USP50: variants seen among roughly 807,000 people sequenced by gnomAD.
USP50 encodes the protein ubiquitin specific peptidase 50.
A neutral mutation model predicts 39.2 loss-of-function variants in USP50; 37 were observed. The ratio of observed to expected loss-of-function variants is 0.94; its 90% CI spans 0.73 to 1.24. The LOEUF (loss-of-function observed/expected upper bound fraction) is 1.24, where lower values mean the gene tolerates loss of function less well. Among genes scored for constraint, USP50 ranks in the 50% most tolerant of loss-of-function variants. USP50 has a pLI of 0.00. For synonymous variants in USP50, 139 were observed against 144.5 expected (o/e 0.96, Z 0.27); for missense variants, 374 against 398.2 (o/e 0.94, Z 0.52).
chr15:50,498,941 C>T (rs762066149), downstream of USP50: 3 of 1,613,760 alleles, frequency 1.9e-6, no homozygotes, highest in East Asian at 6.7e-5. Context: ...ACTACACAGC[C>T]TATTGTAAAA....
At chr15:50,518,649 A>C (rs576993518) in intron 6 of USP50, among the ~76,000 whole-genome samples, 1 of 152,100 alleles carries the variant, frequency 6.6e-6, no homozygotes, top group Admixed American at 6.6e-5. Context: ...CATTAAAAAA[A>C]AAAATCAACT....
At chr15:50,537,864 G>GGGGAGGGGA (rs1398129375) in intron 5 of USP50, among the ~76,000 whole-genome samples, 2 of 98,092 alleles carry the variant, frequency 2.0e-5, no homozygotes, top group African/African-American at 7.7e-5. Flanking sequence ...GAAGAAAAGA[G>GGGGAGGGGA]GGGAGGGGAG....
chr15:50,525,558 A>ATATATGTATATATGTATATGTATATATG (rs1194167928), intron 6 of USP50, among the ~76,000 whole-genome samples: 99 of 107,212 alleles, frequency 9.2e-4, no homozygotes, highest in Non-Finnish European at 1.6e-3. Flanking sequence ...ATATATGTGT[A>ATATATGTATATATGTATATGTATATATG]TATATGTATA....
At chr15:50,496,119 G>A (rs758528623), downstream of USP50, 20 of 1,492,494 alleles carry the variant, frequency 1.3e-5, no homozygotes, top group South Asian at 2.1e-4. Flanking sequence ...ATGATTTATT[G>A]GATAAAAATG....
intron 3 of USP50, 95 bp from the exon 4 acceptor site, chr15:50,541,359 A>G: frequency 9.7e-7 from 1 of 1,030,630 alleles, no homozygotes; most frequent in Non-Finnish European, 1.4e-6. Flanking sequence ...AAAAAAAACA[A>G]AAAATTAGCT....
chr15:50,526,875 C>A (rs1340011193), intron 6 of USP50, among the ~76,000 whole-genome samples: 1 of 152,188 alleles, frequency 6.6e-6, no homozygotes, highest in African/African-American at 2.4e-5. Context: ...TACAGAGTGC[C>A]TACCTCGTAG....
chr15:50,533,307 T>C (rs987358100), intron 5 of USP50, among the ~76,000 whole-genome samples: 1 of 149,098 alleles, frequency 6.7e-6, no homozygotes, highest in East Asian at 2.0e-4. Flanking sequence ...GAAACAATAA[T>C]GACTGAGAAT....
At position 50,510,380 on chromosome 15, in the gene USP50, A is replaced by G. The variant is rs1020192162; in HGVS notation, c.937-9543T>C. 4 of 152,208 alleles carry G rather than the reference A, an allele frequency of 2.6e-5. No homozygotes were observed. In the South Asian group the frequency reaches 8.3e-4, roughly 32 times the overall value. The allele number at this position is 152,208 out of a possible 1,614,324, so 9.4% of individuals were successfully genotyped here. A position where few individuals can be genotyped will look rare whatever the true frequency, so the allele number is the denominator to read the frequency against. On this transcript the variant is annotated intron_variant, in intron 6 of 6. Coordinates refer to ENST00000532404, the MANE Select transcript of USP50 (RefSeq NM_203494.5). Reference sequence around the variant, plus strand: ...AAAGATTGATGTTCCAACCAAATTAAAACTTGATTGTCAGCAATTACAATA... The same window carrying G: ...AAAGATTGATGTTCCAACCAAATTAGAACTTGATTGTCAGCAATTACAATA...
chr15:50,543,541 G>A, intron 3 of USP50, 57 bp downstream of exon 3: 1 of 1,496,470 alleles, frequency 6.7e-7, no homozygotes, highest in Admixed American at 1.9e-5. Context: ...ATGAAAAATG[G>A]AAGCTGCTGA....
chr15:50,507,120 TAA>T (rs1378403420), intron 6 of USP50: 2 of 152,124 alleles, frequency 1.3e-5, no homozygotes, highest in African/African-American at 4.8e-5. Context: ...CGGTCTCTAC[TAA>T]AAATACAAAA....
intron 5 of USP50, among the ~76,000 whole-genome samples, chr15:50,534,618 A>G (rs2052965766): frequency 6.6e-6 from 1 of 152,252 alleles, no homozygotes; most frequent in Non-Finnish European, 1.5e-5. Context: ...TGTACAAGAA[A>G]CATACTTGAA....
At chr15:50,521,627 T>C (rs1566906554) in intron 6 of USP50, among the ~76,000 whole-genome samples, 2 of 151,532 alleles carry the variant, frequency 1.3e-5, no homozygotes, top group African/African-American at 4.9e-5. Flanking sequence ...ATAAACACAA[T>C]TGACAAACTA....
intron 6 of USP50, among the ~76,000 whole-genome samples, chr15:50,524,334 T>C (rs1245460538): frequency 6.6e-6 from 1 of 152,152 alleles, no homozygotes; most frequent in Non-Finnish European, 1.5e-5. Flanking sequence ...AGGGAAGAGA[T>C]AACACAAAGA....
At chr15:50,518,121 G>A (rs1358931586) in intron 6 of USP50, among the ~76,000 whole-genome samples, 1 of 151,970 alleles carries the variant, frequency 6.6e-6, no homozygotes, top group Non-Finnish European at 1.5e-5. Context: ...AAACAGTATG[G>A]TACTGGTATA....
chr15:50,517,412 T>C (rs561113169), intron 6 of USP50, among the ~76,000 whole-genome samples: 3 of 151,116 alleles, frequency 2.0e-5, no homozygotes, highest in East Asian at 2.0e-4. Flanking sequence ...GCAGAAGTTA[T>C]GGTTAGCAGA....
At chr15:50,519,254 T>G (rs1414711631) in intron 6 of USP50, among the ~76,000 whole-genome samples, 1 of 151,754 alleles carries the variant, frequency 6.6e-6, no homozygotes, top group African/African-American at 2.4e-5. Flanking sequence ...ATGACTGCAC[T>G]CCAGCCTGGG....
chr15:50,540,954 G>A (rs2053023435), intron 4 of USP50, 95 bp downstream of exon 4: 14 of 902,268 alleles, frequency 1.6e-5, no homozygotes, highest in South Asian at 1.1e-4. Flanking sequence ...TTATAAAGCC[G>A]TCTCTCATAC....
intron 6 of USP50, among the ~76,000 whole-genome samples, chr15:50,514,987 C>G (rs955041292): frequency 4.6e-4 from 48 of 104,172 alleles, no homozygotes; most frequent in African/African-American, 1.3e-3. Context: ...AAGAGAGAGA[C>G]ACAGTCTAAA....
At position 50,515,652 on chromosome 15, in the gene USP50, G is replaced by GTATA. The variant is rs35695423; in HGVS notation, c.936+14141_936+14144dup. Among the ~76,000 whole-genome samples, 1,011 of 147,596 alleles carry GTATA rather than the reference G, an allele frequency of 6.8e-3. 12 individuals are homozygous for GTATA. The highest frequency in any genetic ancestry group is 0.023 in the African/African-American group (939 of 40,558). ...GATAATAGATGTAAAATATATATGTGTATATATATATATATATATATTTAA... is the reference window on the plus strand; with the variant it reads ...GATAATAGATGTAAAATATATATGTGTATATATATATATATATATATATATTTAA... On this transcript the variant is annotated intron_variant, in intron 6 of 6. Transcript: ENST00000532404.
Sources: allele counts gnomAD v4.1 joint callset (sites outside exome capture counted in the v4.1 genomes callset), GRCh38; gene constraint gnomAD v4.1.1; transcripts MANE v1.5; gene names NCBI Gene and HGNC (gene_info 2026-07-23, HGNC 2026-07-21).